The following VRK1 variants were observed in gnomAD, a reference collection of about 807,000 sequenced individuals.
The protein encoded by VRK1 is VRK serine/threonine kinase 1, also known as serine/threonine-protein kinase VRK1.
A neutral mutation model predicts 57.1 loss-of-function variants in VRK1; 33 were observed. That is an observed-to-expected ratio of 0.58 (90% CI 0.44 to 0.77). The LOEUF (loss-of-function observed/expected upper bound fraction) is 0.77. VRK1 is among the 30% of genes least tolerant of loss of function. The pLI, the probability that VRK1 is intolerant of heterozygous loss-of-function variation, is 0.00. For synonymous variants in VRK1, 137 were observed against 147.8 expected, an observed-to-expected ratio of 0.93 and a Z score of 0.53; for missense variants, 413 against 477.3, an observed-to-expected ratio of 0.87 and a Z score of 1.25.
chr14:96,875,964 G>A (rs1453993717), intron 11 of VRK1, 66 bp from the exon 12 acceptor site: 4 of 1,514,694 alleles, frequency 2.6e-6, no homozygotes, highest in East Asian at 2.3e-5. Context: ...AGACAAATAT[G>A]TGATGAGTTT....
At position 96,831,213 on chromosome 14, in the gene VRK1, G is replaced by A. The variant is rs570855152; in HGVS notation, c.-5-2254G>A. On this transcript the variant is annotated intron_variant, in intron 1 of 12. Transcript: ENST00000216639. ...CTGATACCACACAGATCTTACTGCT[G>A]TTTGTCATGGTCTGTCTTCACCTGC... Among the ~76,000 whole-genome samples, 120 of 152,308 alleles carry A rather than the reference G, an allele frequency of 7.9e-4. 1 individual carries two copies. In the South Asian group the frequency reaches 0.022, roughly 28 times the overall value.
intron 3 of VRK1, among the ~76,000 whole-genome samples, chr14:96,842,733 G>A (rs1887515524): frequency 6.6e-6 from 1 of 152,162 alleles, no homozygotes; most frequent in Admixed American, 6.5e-5. Flanking sequence ...TGTAGGGCCT[G>A]GTTATTGGTA....
At chr14:96,856,424 C>A in intron 9 of VRK1, 104 bp from the exon 10 acceptor site, 2 of 1,346,478 alleles carry the variant, frequency 1.5e-6, no homozygotes, top group Non-Finnish European at 1.0e-6. Flanking sequence ...TGTCTGTAAG[C>A]ATATTTAGGA....
At chr14:96,839,093 T>TG (rs1367658737) in intron 3 of VRK1, among the ~76,000 whole-genome samples, 1 of 151,586 alleles carries the variant, frequency 6.6e-6, no homozygotes, top group African/African-American at 2.4e-5. Flanking sequence ...AGTTTTTTTT[T>TG]TTTTTTTTTT....
intron 10 of VRK1, among the ~76,000 whole-genome samples, chr14:96,857,456 C>T (rs1054568081): frequency 2.8e-4 from 43 of 152,190 alleles, no homozygotes; most frequent in African/African-American, 9.6e-4. Context: ...GATGCGAGGA[C>T]TGTGTCTTCA....
chr14:96,799,819 A>C (rs1444226418), intron 1 of VRK1, among the ~76,000 whole-genome samples: 1 of 152,126 alleles, frequency 6.6e-6, no homozygotes, highest in African/African-American at 2.4e-5. Context: ...GAGTAAGGAG[A>C]AATGGACTCA....
intron 5 of VRK1, among the ~76,000 whole-genome samples, chr14:96,848,142 T>C (rs1887787912): frequency 1.3e-5 from 2 of 152,148 alleles, no homozygotes; most frequent in Non-Finnish European, 1.5e-5. Context: ...CCAGGTTCCT[T>C]ATCTTGCACC....
In VRK1 at chr14:96,833,478, C is replaced by A; in HGVS notation, c.7C>A (p.Arg3Ser). Reference protein sequence around the residue: MPRVKAAQAGRQS... With the variant: MPSVKAAQAGRQS... Reference sequence around the variant, plus strand: ...GTTTTATGTTATAGTGAAAATGCCTCGTGTAAAAGCAGCTCAAGCTGGAAG... The same window carrying A: ...GTTTTATGTTATAGTGAAAATGCCTAGTGTAAAAGCAGCTCAAGCTGGAAG... The change falls in exon 2 of 13, where the codon CGT becomes AGT. Residue 3 changes from arginine (R) to serine (S), a missense_variant. This residue lies in a region of VRK1 where 116 missense variants were observed against 113.6 expected (regional missense o/e 1.02). Transcript: ENST00000216639. 1 of 1,613,380 alleles carries A rather than the reference C, an allele frequency of 6.2e-7. No individual in the cohort carries two copies. The highest frequency in any genetic ancestry group is 1.1e-5 in the South Asian group (1 of 91,060).
intron 1 of VRK1, among the ~76,000 whole-genome samples, chr14:96,818,107 C>T (rs1013739073): frequency 2.0e-5 from 3 of 152,150 alleles, no homozygotes; most frequent in Non-Finnish European, 4.4e-5. Context: ...AACGGAAATA[C>T]AGTTAAGGCT....
chr14:96,811,911 T>A (rs994696634), intron 1 of VRK1, among the ~76,000 whole-genome samples: 1 of 152,180 alleles, frequency 6.6e-6, no homozygotes, highest in Non-Finnish European at 1.5e-5. Flanking sequence ...TTTAGAATGC[T>A]TTCATCAGTA....
At chr14:96,821,969 C>CT (rs71103554) in intron 1 of VRK1, among the ~76,000 whole-genome samples, 51,686 of 142,754 alleles carry the variant, frequency 0.36, 9,242 homozygotes, top group South Asian at 0.43. Flanking sequence ...GATTCTCTCA[C>CT]TTTTTTTTTT....
At position 96,879,389 on chromosome 14, in the gene VRK1, AAGG is replaced by A; in HGVS notation, c.1160-1785_1160-1783del. Among the ~76,000 whole-genome samples, 2 of 152,276 alleles carry A rather than the reference AAGG, an allele frequency of 1.3e-5. 1 individual carries two copies. Among genetic ancestry groups the A allele is most frequent in the Middle Eastern group, 6.8e-3 (2 of 294 alleles). ...AGTTGCAGTGAGAAACTTTGGATTG[AAGG>A]AGATGAGCAGCAGTGATATTTAATT... On this transcript the variant is annotated intron_variant, in intron 12 of 12. Transcript: ENST00000216639.
intron 1 of VRK1, among the ~76,000 whole-genome samples, chr14:96,817,065 TTAG>T (rs1402515372): frequency 6.6e-6 from 1 of 152,182 alleles, no homozygotes; most frequent in African/African-American, 2.4e-5. Flanking sequence ...TTGGAAGGGG[TTAG>T]TAGAAACAAA....
At chr14:96,873,647 A>C (rs1187942168) in intron 11 of VRK1, among the ~76,000 whole-genome samples, 3 of 152,344 alleles carry the variant, frequency 2.0e-5, no homozygotes, top group East Asian at 3.9e-4. Context: ...AATATGCACT[A>C]TCTGAAGCCT....
At chr14:96,852,234 A>G (rs1887979159) in intron 5 of VRK1, among the ~76,000 whole-genome samples, 1 of 152,234 alleles carries the variant, frequency 6.6e-6, no homozygotes, top group Non-Finnish European at 1.5e-5. Context: ...AAGGTGACAT[A>G]GCTGCTTTAT....
At position 96,847,326 on chromosome 14, in the gene VRK1, A is replaced by G. The variant is rs371295780; in HGVS notation, c.356A>G (p.His119Arg). The change falls in exon 5 of 13, where the codon CAT becomes CGT. Residue 119 changes from histidine to arginine, a missense_variant. By Grantham distance (29) the His-to-Arg change is conservative. Coordinates refer to ENST00000216639, the MANE Select transcript of VRK1 (RefSeq NM_003384.3). ...GVPKYWGSGL[H>R]DKNGKSYRFM... ...CCTAAGTATTGGGGGTCTGGTCTAC[A>G]TGACAAAAATGGAAAAAGGTAAAAA... 38 of 1,613,584 alleles carry G rather than the reference A, an allele frequency of 2.4e-5. No individual in the cohort carries two copies. The highest frequency in any genetic ancestry group is 8.3e-5 in the Admixed American group (5 of 59,986).
chr14:96,856,641 G>C lies in VRK1; in HGVS notation c.889+55G>C, dbSNP rs1307368125. On this transcript the variant is annotated intron_variant, in intron 10 of 12. Coordinates refer to ENST00000216639, the MANE Select transcript of VRK1 (RefSeq NM_003384.3). Reference sequence around the variant, plus strand: ...GGATTTTGTTTTCTGGGGATAAAAAGGCATGATATCCATGGAATAGCCCTT... The same window carrying C: ...GGATTTTGTTTTCTGGGGATAAAAACGCATGATATCCATGGAATAGCCCTT... 2.1e-6 allele frequency: 3 copies of C among 1,461,214 alleles called. No homozygotes were observed. In the Admixed American group the frequency reaches 5.1e-5, roughly 25 times the overall value. The allele number at this position is 1,461,214 out of a possible 1,614,324, so 90.5% of individuals were successfully genotyped here. A position where few individuals can be genotyped will look rare whatever the true frequency, so the allele number is the denominator to read the frequency against.
At chr14:96,850,382 C>G (rs1467401917) in intron 5 of VRK1, among the ~76,000 whole-genome samples, 4 of 152,124 alleles carry the variant, frequency 2.6e-5, no homozygotes, top group Non-Finnish European at 4.4e-5. Flanking sequence ...TTATCCAAGT[C>G]TCCAGAAAAG....
At chr14:96,845,755 A>T (rs539228580) in intron 3 of VRK1, among the ~76,000 whole-genome samples, 12 of 152,202 alleles carry the variant, frequency 7.9e-5, no homozygotes, top group Non-Finnish European at 8.8e-5. Context: ...CCCCTTGGTG[A>T]TACAGTTAAG....
Sources: allele counts gnomAD v4.1 joint callset (sites outside exome capture counted in the v4.1 genomes callset), GRCh38; gene constraint gnomAD v4.1.1; regional missense constraint gnomAD v4.1.1; transcripts MANE v1.5; gene names NCBI Gene and HGNC (gene_info 2026-07-23, HGNC 2026-07-21).